Variants in NEGR1 observed in about 807,000 individuals in gnomAD.
NEGR1 encodes IgLON family member 4.
In NEGR1, 10 loss-of-function variants were observed where a neutral mutation model predicts 40.9. The ratio of observed to expected loss-of-function variants is 0.24; its 90% CI spans 0.15 to 0.42. The LOEUF (loss-of-function observed/expected upper bound fraction) is 0.42. Among genes scored for constraint, NEGR1 ranks in the 10% least tolerant of loss-of-function variants. NEGR1 has a pLI of 1.00. For synonymous variants in NEGR1, 185 were observed against 166.8 expected, an observed-to-expected ratio of 1.11 and a Z score of -0.84; for missense variants, 352 against 438.9, an observed-to-expected ratio of 0.80 and a Z score of 1.77.
intron 1 of NEGR1, among the ~76,000 whole-genome samples, chr1:72,162,810 T>C (rs1651625292): frequency 6.6e-6 from 1 of 152,182 alleles, no homozygotes; most frequent in South Asian, 2.1e-4. Context: ...CTGCAGAGGA[T>C]AGCAGTATTT....
chr1:71,642,359 T>C (rs1241669969), intron 4 of NEGR1, among the ~76,000 whole-genome samples: 5 of 150,954 alleles, frequency 3.3e-5, no homozygotes. Context: ...GTGTAATTCA[T>C]TGAATGTGGA....
intron 1 of NEGR1, among the ~76,000 whole-genome samples, chr1:72,138,670 G>T (rs1438175500): frequency 6.6e-6 from 1 of 151,968 alleles, no homozygotes; most frequent in East Asian, 1.9e-4. Context: ...AGATTACACA[G>T]CAATTCAATC....
Position 71,818,468 on chromosome 1 carries a change from G to A in NEGR1, c.410-42171C>T, listed in dbSNP as rs150994405. 5.5e-4 allele frequency among the ~76,000 whole-genome samples: 83 copies of A among 151,894 alleles called. 1 individual carries two copies. The East Asian group carries it at 0.014, about 25-fold the overall frequency. ...ATACCACATGTTCTCACTTATAAAT[G>A]GGAGCTAAATGATAAGAACACATAG... On this transcript the variant is annotated intron_variant, in intron 2 of 6. Coordinates refer to ENST00000357731, the MANE Select transcript of NEGR1 (RefSeq NM_173808.3).
chr1:72,034,464 T>C (rs1646885314), intron 1 of NEGR1, among the ~76,000 whole-genome samples: 1 of 152,216 alleles, frequency 6.6e-6, no homozygotes, highest in Non-Finnish European at 1.5e-5. Context: ...AAGCTTTACA[T>C]GCCTTGGTTT....
chr1:71,459,948 A>T (rs1569899335), intron 6 of NEGR1, among the ~76,000 whole-genome samples: 1 of 152,184 alleles, frequency 6.6e-6, no homozygotes, highest in Non-Finnish European at 1.5e-5. Context: ...GTATTTATTC[A>T]TGGTACTTGT....
chr1:71,934,956 C>A (rs1307501878), intron 2 of NEGR1, 123 bp downstream of exon 2: 2 of 656,584 alleles, frequency 3.0e-6, no homozygotes, highest in Non-Finnish European at 2.6e-6. Context: ...TATAATTCAA[C>A]AAATATTTCA....
chr1:72,082,511 A>C (rs1390624594), intron 1 of NEGR1, among the ~76,000 whole-genome samples: 1 of 152,134 alleles, frequency 6.6e-6, no homozygotes, highest in Non-Finnish European at 1.5e-5. Flanking sequence ...AGATAAAATA[A>C]GTTACATTAT....
At chr1:71,731,198 G>T (rs1354516260) in intron 3 of NEGR1, among the ~76,000 whole-genome samples, 1 of 151,982 alleles carries the variant, frequency 6.6e-6, no homozygotes, top group Non-Finnish European at 1.5e-5. Context: ...TGAATTTTAT[G>T]TGGTATGTAT....
intron 3 of NEGR1, among the ~76,000 whole-genome samples, chr1:71,708,159 C>T (rs139568254): frequency 3.9e-5 from 6 of 151,908 alleles, no homozygotes; most frequent in East Asian, 2.0e-4. Flanking sequence ...CAAATGAACT[C>T]GAAAGGCAAC....
chr1:71,790,036 T>C (rs775500757), intron 2 of NEGR1, among the ~76,000 whole-genome samples: 6 of 152,132 alleles, frequency 3.9e-5, no homozygotes, highest in Admixed American at 2.6e-4. Flanking sequence ...GGATTAGCTA[T>C]GCCAAAATAA....
chr1:72,237,388 T>C (rs1274068438), intron 1 of NEGR1, among the ~76,000 whole-genome samples: 1 of 151,914 alleles, frequency 6.6e-6, no homozygotes, highest in African/African-American at 2.4e-5. Context: ...AAACACTTAT[T>C]TCTCACAGTT....
intron 6 of NEGR1, among the ~76,000 whole-genome samples, chr1:71,504,544 A>AT (rs1248205593): frequency 6.6e-6 from 1 of 152,148 alleles, no homozygotes; most frequent in African/African-American, 2.4e-5. Flanking sequence ...AAAAAAGGCA[A>AT]TCCCCCTCAC....
At chr1:72,181,905 A>C (rs1301603304) in intron 1 of NEGR1, among the ~76,000 whole-genome samples, 1 of 152,138 alleles carries the variant, frequency 6.6e-6, no homozygotes, top group Non-Finnish European at 1.5e-5. Context: ...GGAGAAAATA[A>C]AATGGAGAGG....
chr1:71,417,312 A>G (rs1557518920), intron 6 of NEGR1, among the ~76,000 whole-genome samples: 6 of 152,162 alleles, frequency 3.9e-5, no homozygotes, highest in Admixed American at 2.6e-4. Context: ...CAGAGAATGG[A>G]AGTATAGATA....
intron 2 of NEGR1, among the ~76,000 whole-genome samples, chr1:71,934,255 T>A (rs1645882234): frequency 1.3e-5 from 2 of 152,122 alleles, no homozygotes; most frequent in African/African-American, 4.8e-5. Context: ...TCTCCTAGCA[T>A]AATAATTAAA....
At chr1:72,204,897 G>A (rs566894492) in intron 1 of NEGR1, among the ~76,000 whole-genome samples, 5 of 152,106 alleles carry the variant, frequency 3.3e-5, no homozygotes, top group African/African-American at 1.2e-4. Flanking sequence ...TCCACAACTT[G>A]TCATGGCAAA....
chr1:71,468,749 T>C (rs550506255), intron 6 of NEGR1: 5 of 152,206 alleles, frequency 3.3e-5, no homozygotes, highest in African/African-American at 1.2e-4. Flanking sequence ...ATGGCCACTC[T>C]TATTCTCAAA....
At chr1:71,822,984 T>C (rs1281394459) in intron 2 of NEGR1, among the ~76,000 whole-genome samples, 2 of 151,912 alleles carry the variant, frequency 1.3e-5, no homozygotes, top group African/African-American at 4.8e-5. Context: ...TCCTCCAAAA[T>C]CTAGAACATG....
chr1:71,935,450 T>G, intron 1 of NEGR1, 139 bp from the exon 2 acceptor site: 1 of 635,340 alleles, frequency 1.6e-6, no homozygotes, highest in East Asian at 2.7e-5. Context: ...TCAGGAAACA[T>G]GAACATACTG....
Sources: allele counts gnomAD v4.1 joint callset (sites outside exome capture counted in the v4.1 genomes callset), GRCh38; gene constraint gnomAD v4.1.1; transcripts MANE v1.5; gene names NCBI Gene and HGNC (gene_info 2026-07-23, HGNC 2026-07-21).